The following FAT3 variants were observed in gnomAD, a reference collection of about 807,000 sequenced individuals.
FAT3 encodes protocadherin Fat 3.
FAT3 carries 95 observed loss-of-function variants against 310.2 expected under a neutral mutation model. The ratio of observed to expected loss-of-function variants is 0.31; its 90% confidence interval spans 0.26 to 0.36. FAT3 has a LOEUF of 0.36. Ranked by LOEUF, FAT3 falls within the 10% of genes least tolerant of loss-of-function variation. The probability of loss-of-function intolerance (pLI) is 1.00; values close to 1 mark genes in which losing one functional copy is unlikely to be tolerated. For synonymous variants in FAT3, 2,314 were observed against 2,192.9 expected (o/e 1.06, Z -1.54); for missense variants, 5,408 against 5,715.6 (o/e 0.95, Z 1.74).
intron 1 of FAT3, among the ~76,000 whole-genome samples, chr11:92,322,414 CAG>C (rs1947647558): frequency 6.6e-6 from 1 of 152,168 alleles, no homozygotes; most frequent in Non-Finnish European, 1.5e-5. Flanking sequence ...GCTGACTAAT[CAG>C]AGTGATGTTT....
At chr11:92,532,117 A>T (rs1220606504) in intron 3 of FAT3, among the ~76,000 whole-genome samples, 1 of 152,126 alleles carries the variant, frequency 6.6e-6, no homozygotes, top group South Asian at 2.1e-4. Context: ...GTGATGGCAT[A>T]TAACTATAAC....
In FAT3 at chr11:92,890,702, T is replaced by C. The variant is rs559517172; in HGVS notation, c.13359T>C (p.Pro4453=). The part of the protein sequence containing the change: ...EEFLSQDQLP[P]PLPEDFPDQY... ...TCTTGAGTCAGGACCAGCTGCCTCC[T>C]CCTCTCCCGGAGGACTTCCCAGACC... The change falls in exon 28 of 28, where the codon CCT becomes CCC. Residue 4453 remains proline (P), a synonymous_variant. Transcript: ENST00000525166. 57 of 1,613,548 alleles carry C rather than the reference T, an allele frequency of 3.5e-5. No homozygotes were observed. In the East Asian group the frequency reaches 1.2e-3, roughly 34 times the overall value.
chr11:92,796,177 C>T (rs1490551114), intron 9 of FAT3, among the ~76,000 whole-genome samples: 1 of 152,212 alleles, frequency 6.6e-6, no homozygotes, highest in Non-Finnish European at 1.5e-5. Context: ...CTGTGGATCA[C>T]CTGTTGGATT....
intron 2 of FAT3, among the ~76,000 whole-genome samples, chr11:92,443,673 C>A (rs951921941): frequency 2.6e-5 from 4 of 152,146 alleles, no homozygotes; most frequent in African/African-American, 9.7e-5. Context: ...TTGCAAGAAA[C>A]TGATCTATTC....
At chr11:92,771,477 C>T (rs144453964) in intron 6 of FAT3, among the ~76,000 whole-genome samples, 2 of 152,180 alleles carry the variant, frequency 1.3e-5, no homozygotes, top group African/African-American at 4.8e-5. Flanking sequence ...TTCTGTGTCC[C>T]TTGTCAGAAA....
chr11:92,291,249 C>G (rs1946685808), intron 1 of FAT3, among the ~76,000 whole-genome samples: 1 of 152,052 alleles, frequency 6.6e-6, no homozygotes, highest in Non-Finnish European at 1.5e-5. Flanking sequence ...CCTGAGGTAT[C>G]TCAAGCACTC....
intron 3 of FAT3, among the ~76,000 whole-genome samples, chr11:92,624,178 A>G (rs1941219116): frequency 1.3e-5 from 2 of 152,168 alleles, no homozygotes; most frequent in Admixed American, 6.5e-5. Context: ...TACTGGAGTC[A>G]GGGAAAGCTT....
chr11:92,555,631 G>T (rs1326619139), intron 3 of FAT3, among the ~76,000 whole-genome samples: 1 of 152,102 alleles, frequency 6.6e-6, no homozygotes, highest in Non-Finnish European at 1.5e-5. Flanking sequence ...CTGCCCCTTT[G>T]TGCCTTGTGT....
At chr11:92,526,058 T>C (rs1953850319) in intron 3 of FAT3, among the ~76,000 whole-genome samples, 2 of 152,186 alleles carry the variant, frequency 1.3e-5, no homozygotes, top group African/African-American at 4.8e-5. Context: ...TTGACTTGTA[T>C]TTTATTGTAA....
chr11:92,258,303 TAGG>T (rs1466510280), intron 1 of FAT3, among the ~76,000 whole-genome samples: 1 of 152,034 alleles, frequency 6.6e-6, no homozygotes, highest in Non-Finnish European at 1.5e-5. Flanking sequence ...CTTTCTTGAG[TAGG>T]AGAAGTAAGT....
chr11:92,354,657 G>A lies in FAT3; in HGVS notation c.2545G>A (p.Glu849Lys). 1 of 1,613,818 alleles carries A rather than the reference G, an allele frequency of 6.2e-7. No individual in the cohort carries two copies. The highest frequency in any genetic ancestry group is 8.5e-7 in the Non-Finnish European group (1 of 1,179,858). The change falls in exon 2 of 28, where the codon GAA becomes AAA. Residue 849 changes from glutamate (E) to lysine (K), a missense_variant. Coordinates refer to ENST00000525166, the MANE Select transcript of FAT3 (RefSeq NM_001367949.2). Reference protein sequence around the residue: ...NILESSGIGTEIIQVEARDKD... With the variant: ...NILESSGIGTKIIQVEARDKD... ...TCTTGAAAGTTCAGGCATTGGTACT[G>A]AAATCATTCAAGTGGAAGCCAGAGA...
At chr11:92,295,054 T>C (rs1302703414) in intron 1 of FAT3, among the ~76,000 whole-genome samples, 2 of 152,138 alleles carry the variant, frequency 1.3e-5, no homozygotes, top group African/African-American at 4.8e-5. Context: ...TTAATTTGAC[T>C]GCTAAGAAAA....
At chr11:92,225,741 C>G (rs780304274) in intron 1 of FAT3, among the ~76,000 whole-genome samples, 5 of 152,074 alleles carry the variant, frequency 3.3e-5, no homozygotes, top group Non-Finnish European at 7.4e-5. Context: ...GTCCGTTCCC[C>G]ACGCCTGACT....
At chr11:92,367,962 G>T (rs962291760) in intron 2 of FAT3, among the ~76,000 whole-genome samples, 2 of 152,158 alleles carry the variant, frequency 1.3e-5, no homozygotes, top group South Asian at 2.1e-4. Flanking sequence ...TTGAGAAAAA[G>T]AATAAGTTAG....
In FAT3 at chr11:92,478,936, CTTTCTTTCTTTCTTTCT is replaced by C. The variant is rs1253699729; in HGVS notation, c.3293-45690_3293-45674del. 2.6e-3 allele frequency among the ~76,000 whole-genome samples: 226 copies of C among 88,532 alleles called. 5 individuals carry two copies. The highest frequency in any genetic ancestry group is 0.022 in the Admixed American group (142 of 6,500). The allele number at this position is 88,532 out of a possible 152,430, so 58.1% of individuals were successfully genotyped here. ...TGGCTGGCTTTCTTTCTTTCCTTCT[CTTTCTTTCTTTCTTTCT>C]TTTCTTTTCTTTTCTTTTCTTTTCT... On this transcript the variant is annotated intron_variant, in intron 2 of 27. Coordinates refer to ENST00000525166, the MANE Select transcript of FAT3 (RefSeq NM_001367949.2).
At chr11:92,547,300 T>A (rs1284571199) in intron 3 of FAT3, among the ~76,000 whole-genome samples, 2 of 152,172 alleles carry the variant, frequency 1.3e-5, no homozygotes, top group African/African-American at 2.4e-5. Flanking sequence ...CTCTACAAAG[T>A]ACTGTTTTCT....
chr11:92,632,006 T>C (rs1037235066), intron 3 of FAT3, among the ~76,000 whole-genome samples: 1 of 152,214 alleles, frequency 6.6e-6, no homozygotes, highest in African/African-American at 2.4e-5. Context: ...GGAGGAAATA[T>C]GTCAGCTTAA....
At chr11:92,795,955 C>CATCCCCACCAT (rs1467070448) in intron 9 of FAT3, among the ~76,000 whole-genome samples, 2 of 152,158 alleles carry the variant, frequency 1.3e-5, no homozygotes, top group East Asian at 3.9e-4. Flanking sequence ...GGCTCCCTGC[C>CATCCCCACCAT]ATCCCCACCA....
intron 4 of FAT3, among the ~76,000 whole-genome samples, chr11:92,741,548 TATAC>T (rs1565556509): frequency 6.6e-6 from 1 of 152,236 alleles, no homozygotes; most frequent in Non-Finnish European, 1.5e-5. Context: ...ATGTGCTGAA[TATAC>T]ATACATGAAA....
Sources: allele counts gnomAD v4.1 joint callset (sites outside exome capture counted in the v4.1 genomes callset), GRCh38; gene constraint gnomAD v4.1.1; transcripts MANE v1.5; gene names NCBI Gene and HGNC (gene_info 2026-07-23, HGNC 2026-07-21).